Variants in GRAMD1B observed in about 807,000 individuals in gnomAD.
GRAMD1B encodes protein Aster-B.
A neutral mutation model predicts 99.7 loss-of-function variants in GRAMD1B; 37 were observed. That is an observed-to-expected ratio of 0.37 (90% CI 0.29 to 0.49). The LOEUF (loss-of-function observed/expected upper bound fraction) is 0.49, where lower values mean the gene tolerates loss of function less well. Among genes scored for constraint, GRAMD1B ranks in the 20% least tolerant of loss-of-function variants. The pLI is 0.98. For synonymous variants in GRAMD1B, 427 were observed against 387.6 expected (o/e 1.10, Z -1.19); for missense variants, 888 against 1,009.2 (o/e 0.88, Z 1.63).
chr11:123,534,124 T>C (rs1181423868), intron 2 of GRAMD1B, among the ~76,000 whole-genome samples: 1 of 152,270 alleles, frequency 6.6e-6, no homozygotes, highest in Admixed American at 6.5e-5. Context: ...AATTGCCTAC[T>C]GTTGACCAGA....
intron 1 of GRAMD1B, among the ~76,000 whole-genome samples, chr11:123,422,440 A>G (rs1309487617): frequency 6.6e-6 from 1 of 152,236 alleles, no homozygotes; most frequent in African/African-American, 2.4e-5. Flanking sequence ...AAAATCCTCC[A>G]TACAGCCTAG....
At chr11:123,363,643 C>T (rs1251476061) in intron 1 of GRAMD1B, among the ~76,000 whole-genome samples, 2 of 151,974 alleles carry the variant, frequency 1.3e-5, no homozygotes, top group African/African-American at 4.8e-5. Flanking sequence ...TTCAGTTCTC[C>T]TTGGAGATCT....
At chr11:123,618,913 A>G in intron 18 of GRAMD1B, 113 bp downstream of exon 18, 1 of 730,124 alleles carries the variant, frequency 1.4e-6, no homozygotes, top group Non-Finnish European at 2.4e-6. Context: ...CTCTGGGATG[A>G]GCCCACAGGG....
intron 2 of GRAMD1B, among the ~76,000 whole-genome samples, chr11:123,565,968 C>T (rs966739960): frequency 1.3e-5 from 2 of 152,208 alleles, no homozygotes; most frequent in Non-Finnish European, 2.9e-5. Context: ...TAGGAACTAG[C>T]TGAATATATG....
rs910843129 is a variant in GRAMD1B at position 123,587,597 on chromosome 11, C to T, written c.684+3265C>T. Among the ~76,000 whole-genome samples the T allele has an allele frequency of 3.3e-5, 5 of 152,184 alleles. No homozygotes were observed. Among genetic ancestry groups the T allele is most frequent in the African/African-American group, 7.2e-5 (3 of 41,442 alleles). ...GGGGTTTCCTTCCTTGGCCTCCTGG[C>T]GCATTCCTGCGGGCAGTCTTCTCCA... On this transcript the variant is annotated intron_variant, in intron 4 of 19. Transcript: ENST00000635736. This position sits in a 1 kb window ranked among gnomAD's most constrained non-coding sequence, Gnocchi z 4.2.
intron 1 of GRAMD1B, among the ~76,000 whole-genome samples, chr11:123,451,505 T>C (rs1392445694): frequency 6.6e-6 from 1 of 152,234 alleles, no homozygotes; most frequent in African/African-American, 2.4e-5. Context: ...TACTGAGGCT[T>C]ATGGATACAT....
Position 123,610,172 on chromosome 11 carries a change from C to G in GRAMD1B, c.1777-24C>G, listed in dbSNP as rs1953347716. ...GCTTCTTGCTCCTCTTCAGTTTTGT[C>G]CAATGGACCTTTCCTGCCCGCAGAC... On this transcript the variant is annotated intron_variant, in intron 13 of 19. Coordinates refer to ENST00000635736, the MANE Select transcript of GRAMD1B (RefSeq NM_001387025.1). This position sits in a 1 kb window ranked among gnomAD's most constrained non-coding sequence, Gnocchi z 4.1. 1 of 1,613,164 alleles carries G rather than the reference C, an allele frequency of 6.2e-7. No homozygotes were observed. The highest frequency in any genetic ancestry group is 1.3e-5 in the African/African-American group (1 of 74,860).
intron 2 of GRAMD1B, among the ~76,000 whole-genome samples, chr11:123,508,187 C>T (rs545633612): frequency 2.6e-5 from 4 of 152,118 alleles, no homozygotes; most frequent in Admixed American, 1.3e-4. Flanking sequence ...TTGGAGGCTG[C>T]GGAGTCCAAA....
chr11:123,454,732 G>A (rs1447455416), intron 1 of GRAMD1B: 2 of 152,174 alleles, frequency 1.3e-5, no homozygotes, highest in Non-Finnish European at 2.9e-5. Context: ...GAGTGACAGT[G>A]GGTTATAATT....
intron 2 of GRAMD1B, among the ~76,000 whole-genome samples, chr11:123,495,222 T>C (rs917452780): frequency 2.0e-5 from 3 of 151,918 alleles, no homozygotes; most frequent in African/African-American, 4.8e-5. Flanking sequence ...TGAAACAAAT[T>C]TTAATAAGAT....
chr11:123,485,218 T>C (rs1951824481), intron 2 of GRAMD1B, among the ~76,000 whole-genome samples: 1 of 152,206 alleles, frequency 6.6e-6, no homozygotes, highest in Non-Finnish European at 1.5e-5. Context: ...GATTGTTTCA[T>C]AGAGCAGGCA....
chr11:123,592,164 A>G (rs1211209099), intron 4 of GRAMD1B, among the ~76,000 whole-genome samples: 7 of 152,210 alleles, frequency 4.6e-5, no homozygotes, highest in Admixed American at 3.3e-4. Flanking sequence ...TGACACTGGA[A>G]CTCTGTAAGT....
chr11:123,436,796 A>C (rs1234917148), intron 1 of GRAMD1B, among the ~76,000 whole-genome samples: 18 of 152,192 alleles, frequency 1.2e-4, no homozygotes, highest in Admixed American at 5.9e-4. Flanking sequence ...GTACATGTGC[A>C]CAATGTGCAG....
intron 1 of GRAMD1B, among the ~76,000 whole-genome samples, chr11:123,467,382 G>C (rs1484715075): frequency 7.3e-6 from 1 of 136,822 alleles, no homozygotes; most frequent in East Asian, 2.3e-4. Context: ...TTGTAGCCTT[G>C]GTTTTCAACA....
At chr11:123,530,029 A>C (rs1293962088) in intron 2 of GRAMD1B, among the ~76,000 whole-genome samples, 1 of 152,170 alleles carries the variant, frequency 6.6e-6, no homozygotes, top group Non-Finnish European at 1.5e-5. Flanking sequence ...GACAGAGAGC[A>C]GGTGAAGCAT....
chr11:123,503,596 G>A (rs1940121436), intron 2 of GRAMD1B, among the ~76,000 whole-genome samples: 1 of 151,462 alleles, frequency 6.6e-6, no homozygotes, highest in African/African-American at 2.4e-5. Flanking sequence ...ACCCAGCCTG[G>A]TGTGCAATGG....
intron 2 of GRAMD1B, among the ~76,000 whole-genome samples, chr11:123,548,319 T>TACACACACAC (rs1276539105): frequency 8.1e-4 from 85 of 105,132 alleles, no homozygotes; most frequent in Non-Finnish European, 1.0e-3. Flanking sequence ...TATATATATA[T>TACACACACAC]ATATATACAC....
intron 2 of GRAMD1B, among the ~76,000 whole-genome samples, chr11:123,532,994 A>G (rs1943556775): frequency 6.6e-6 from 1 of 152,200 alleles, no homozygotes; most frequent in Non-Finnish European, 1.5e-5. Flanking sequence ...GATAAAAACA[A>G]GTTTTGTTCT....
chr11:123,523,947 C>T (rs1389521779), intron 2 of GRAMD1B, among the ~76,000 whole-genome samples: 1 of 152,234 alleles, frequency 6.6e-6, no homozygotes, highest in Non-Finnish European at 1.5e-5. Context: ...AGATCAATTC[C>T]ACAGCCAAGG....
Sources: allele counts gnomAD v4.1 joint callset (sites outside exome capture counted in the v4.1 genomes callset), GRCh38; gene constraint gnomAD v4.1.1; non-coding constraint Gnocchi (gnomAD v3.1); transcripts MANE v1.5; gene names NCBI Gene and HGNC (gene_info 2026-07-23, HGNC 2026-07-21).